MIOS: variants seen among roughly 807,000 people sequenced by gnomAD.
The protein encoded by MIOS is GATOR2 complex protein MIOS.
Under a neutral mutation model 96.9 loss-of-function variants are expected in MIOS, and 52 were observed. The observed-to-expected ratio is 0.54, with a 90% CI of 0.43 to 0.68. MIOS has a LOEUF of 0.68. Among genes scored for constraint, MIOS ranks in the 30% least tolerant of loss-of-function variants. The probability of loss-of-function intolerance (pLI) is 0.00; values close to 1 mark genes in which losing one functional copy is unlikely to be tolerated. For missense variants in MIOS, 1,005 were observed against 1,052.8 expected, an observed-to-expected ratio of 0.95 and a Z score of 0.63; for synonymous variants, 397 against 359.5, an observed-to-expected ratio of 1.10 and a Z score of -1.18.
At chr7:7,593,883 AAAAAAAAAAAAAGAAAAAGAAAAG>A (rs1563036469) in intron 9 of MIOS, among the ~76,000 whole-genome samples, 1 of 128,068 alleles carries the variant, frequency 7.8e-6, no homozygotes, top group African/African-American at 3.4e-5. Context: ...TGTCTCCAAA[AAAAAAAAAAAAAGAAAAAGAAAAG>A]AAAAAAAGAA....
chr7:7,592,986 A>G (rs767649887), intron 9 of MIOS, among the ~76,000 whole-genome samples: 14 of 151,912 alleles, frequency 9.2e-5, no homozygotes, highest in Non-Finnish European at 1.5e-4. Context: ...ATTTGGTCAG[A>G]CTCAATCTCT....
At chr7:7,587,813 TC>T (rs1220918536) in intron 7 of MIOS, among the ~76,000 whole-genome samples, 1 of 152,196 alleles carries the variant, frequency 6.6e-6, no homozygotes, top group African/African-American at 2.4e-5. Context: ...GGAAATTGGA[TC>T]TTTTTTCCAC....
intron 9 of MIOS, among the ~76,000 whole-genome samples, chr7:7,591,721 C>A (rs1245175477): frequency 6.6e-6 from 1 of 152,014 alleles, no homozygotes; most frequent in Non-Finnish European, 1.5e-5. Flanking sequence ...AGTAGTATGA[C>A]CTTAATGTAC....
intron 4 of MIOS, 70 bp from the exon 5 acceptor site, chr7:7,574,028 C>G: frequency 7.8e-7 from 1 of 1,277,626 alleles, no homozygotes; most frequent in Non-Finnish European, 1.1e-6. Flanking sequence ...GAATTGGCTC[C>G]AAATCAAAAT....
rs1783861965 is a variant in MIOS at position 7,585,525 on chromosome 7, A to G, written c.1649-111A>G. The stretch of plus-strand genomic sequence containing the variant: ...CCCAAAACCCTTATTCTCTGAGCTC[A>G]TTTTTCTGAGGGTAAAAGTCACCCT... On this transcript the variant is annotated intron_variant, in intron 6 of 12. Transcript: ENST00000340080. The G allele has an allele frequency of 5.2e-6, 5 of 957,988 alleles. No individual in the cohort carries two copies. In the South Asian group the frequency reaches 8.6e-5, roughly 16 times the overall value. 59.3% of individuals were successfully genotyped at this position (957,988 alleles called of 1,614,324 possible). A position where few individuals can be genotyped will look rare whatever the true frequency, so the allele number is the denominator to read the frequency against.
intron 11 of MIOS, among the ~76,000 whole-genome samples, chr7:7,600,252 A>G (rs1489110497): frequency 1.3e-5 from 2 of 152,030 alleles, no homozygotes; most frequent in African/African-American, 2.4e-5. Context: ...GTAAAACAGG[A>G]TCTAATAGAA....
At chr7:7,571,584 G>T (rs1306826063) in intron 3 of MIOS, among the ~76,000 whole-genome samples, 1 of 152,226 alleles carries the variant, frequency 6.6e-6, no homozygotes, top group East Asian at 1.9e-4. Flanking sequence ...AAATGAGTCA[G>T]TTTAAAGAAA....
At chr7:7,578,936 C>G (rs1430661631) in intron 5 of MIOS, among the ~76,000 whole-genome samples, 2 of 152,152 alleles carry the variant, frequency 1.3e-5, no homozygotes, top group African/African-American at 2.4e-5. Context: ...GTCTCAAACT[C>G]CTAACCTCAA....
intron 5 of MIOS, among the ~76,000 whole-genome samples, chr7:7,577,298 C>T (rs1203512266): frequency 6.6e-6 from 1 of 152,144 alleles, no homozygotes. Flanking sequence ...CTAAAAAGGA[C>T]TCACTGAATT....
intron 9 of MIOS, 67 bp downstream of exon 9, chr7:7,589,630 A>G: frequency 6.6e-7 from 1 of 1,508,756 alleles, no homozygotes; most frequent in Non-Finnish European, 9.0e-7. Flanking sequence ...CCTCAGTTGA[A>G]AGTAAATATG....
chr7:7,599,079 A>G (rs1003846247), intron 11 of MIOS, among the ~76,000 whole-genome samples: 2 of 152,098 alleles, frequency 1.3e-5, no homozygotes, highest in African/African-American at 4.8e-5. Flanking sequence ...AAAATAAGTG[A>G]TATTTTCTAG....
At position 7,602,233 on chromosome 7, in the gene MIOS, A is replaced by G. The variant is rs546373419; in HGVS notation, c.2402-3709A>G. 9.4e-3 allele frequency among the ~76,000 whole-genome samples: 1,431 copies of G among 152,220 alleles called. 16 individuals are homozygous for G. Among genetic ancestry groups the G allele is most frequent in the South Asian group, 0.051 (245 of 4,814 alleles). On this transcript the variant is annotated intron_variant, in intron 11 of 12. Coordinates refer to ENST00000340080, the MANE Select transcript of MIOS (RefSeq NM_019005.4). Reference sequence around the variant, plus strand: ...TGGAAGTTCTGGCCAGGGCAATCAGACAGGAGAAGGAAATAAAGGGCATTC... The same window carrying G: ...TGGAAGTTCTGGCCAGGGCAATCAGGCAGGAGAAGGAAATAAAGGGCATTC...
Position 7,607,837 on chromosome 7 carries a change from T to G in MIOS, c.*745T>G, listed in dbSNP as rs1784572658. On this transcript the variant is annotated 3_prime_UTR_variant, in exon 13 of 13. Coordinates refer to ENST00000340080, the MANE Select transcript of MIOS (RefSeq NM_019005.4). ...TACCATTTCAGGTGAACATACAAAA[T>G]TTTCACTTTCTACCTTTTGCCTTCC... 6.6e-6 allele frequency: 1 copy of G among 152,146 alleles called. No individual in the cohort carries two copies. Among genetic ancestry groups the G allele is most frequent in the Non-Finnish European group, 1.5e-5 (1 of 68,014 alleles). 9.4% of individuals were successfully genotyped at this position (152,146 alleles called of 1,614,324 possible).
intron 6 of MIOS, among the ~76,000 whole-genome samples, chr7:7,584,646 T>A (rs1783828213): frequency 6.6e-6 from 1 of 152,082 alleles, no homozygotes; most frequent in Admixed American, 6.5e-5. Context: ...AATATAAAGC[T>A]GTTAAGAACA....
chr7:7,592,224 A>G (rs1255622307), intron 9 of MIOS, among the ~76,000 whole-genome samples: 1 of 152,178 alleles, frequency 6.6e-6, no homozygotes, highest in African/African-American at 2.4e-5. Context: ...CCTGTCCTCA[A>G]GTGATCTGCC....
intron 9 of MIOS, among the ~76,000 whole-genome samples, chr7:7,594,190 T>C (rs903169080): frequency 2.0e-5 from 3 of 152,204 alleles, no homozygotes; most frequent in Admixed American, 6.5e-5. Flanking sequence ...TAGACAGGTT[T>C]AACTTACAGA....
intron 6 of MIOS, among the ~76,000 whole-genome samples, chr7:7,584,019 G>T (rs772680878): frequency 6.6e-6 from 1 of 151,832 alleles, no homozygotes; most frequent in Admixed American, 6.6e-5. Flanking sequence ...GGAATATTTC[G>T]CTTGGAAATA....
rs372634070 is a variant in MIOS, at chr7:7,597,517, T to TATATATATAAAAAA, written c.2401+1056_2401+1057insATATATATAAAAAA. Reference sequence around the variant, plus strand: ...ATATATATATATATATATATATATATGAAGGCAATACGTAATGTTTTAAAT... The same window carrying TATATATATAAAAAA: ...ATATATATATATATATATATATATATATATATATAAAAAAGAAGGCAATACGTAATGTTTTAAAT... On this transcript the variant is annotated intron_variant, in intron 11 of 12. Transcript: ENST00000340080. 9.3e-3 allele frequency among the ~76,000 whole-genome samples: 658 copies of TATATATATAAAAAA among 70,412 alleles called. 116 individuals carry two copies. Among genetic ancestry groups the TATATATATAAAAAA allele is most frequent in the East Asian group, 0.017 (31 of 1,846 alleles). 46.2% of individuals were successfully genotyped at this position (70,412 alleles called of 152,430 possible). A position where few individuals can be genotyped will look rare whatever the true frequency, so the allele number is the denominator to read the frequency against.
At chr7:7,589,212 T>TTTTAAATGATTTAAATATTTTAAAATA (rs1783977462) in intron 8 of MIOS, among the ~76,000 whole-genome samples, 193 bp from the exon 9 acceptor site, 1 of 152,206 alleles carries the variant, frequency 6.6e-6, no homozygotes, top group African/African-American at 2.4e-5. Flanking sequence ...TTTTAAAATA[T>TTTTAAATGATTTAAATATTTTAAAATA]TTTAAATGAT....
Sources: gnomAD v4.1 joint callset for allele counts (sites outside exome capture counted in the v4.1 genomes callset) on GRCh38, gnomAD v4.1.1 for gene constraint, MANE v1.5 for transcripts, NCBI Gene and HGNC (gene_info 2026-07-23, HGNC 2026-07-21) for gene names.